ZNF644: variants seen among roughly 807,000 people sequenced by gnomAD.
ZNF644 encodes zinc finger motif enhancer binding protein 2.
Under a neutral mutation model 108.0 loss-of-function variants are expected in ZNF644, and 20 were observed. That is an observed-to-expected ratio of 0.19 (90% CI 0.13 to 0.27). The LOEUF (loss-of-function observed/expected upper bound fraction) is 0.27, where lower values mean the gene tolerates loss of function less well. Ranked by LOEUF, ZNF644 falls within the 10% of genes least tolerant of loss-of-function variation. The probability of loss-of-function intolerance (pLI) is 1.00; values close to 1 mark genes in which losing one functional copy is unlikely to be tolerated. For missense variants in ZNF644, 1,338 were observed against 1,548.9 expected, an observed-to-expected ratio of 0.86 and a Z score of 2.29; for synonymous variants, 542 against 539.1, an observed-to-expected ratio of 1.01 and a Z score of -0.08.
At chr1:90,925,840 T>G (rs527785768) in intron 4 of ZNF644, among the ~76,000 whole-genome samples, 1 of 152,234 alleles carries the variant, frequency 6.6e-6, no homozygotes, top group African/African-American at 2.4e-5. Flanking sequence ...ACAAGTGTGG[T>G]TATTTGCTTT....
Position 90,937,995 on chromosome 1 carries a change from G to T in ZNF644, c.3178C>A (p.His1060Asn). Residue 1060 changes from histidine (H) to asparagine (N), a missense_variant, in exon 4 of 6, where the codon CAC becomes AAC. His to Asn is a moderately conservative substitution (Grantham distance 68, BLOSUM62 1). Coordinates refer to ENST00000337393, the MANE Select transcript of ZNF644 (RefSeq NM_201269.3). Reference sequence around the variant, plus strand: ...TTCGTCTTTCCAAGTCTTTTCAAGTGGCCTCTAACATGATTTGATAATCCA... The same window carrying T: ...TTCGTCTTTCCAAGTCTTTTCAAGTTGCCTCTAACATGATTTGATAATCCA... ...KIGLSNHVRG[H>N]LKRLGKTKWD... 6.2e-7 allele frequency: 1 copy of T among 1,611,646 alleles called. No homozygotes were observed.
chr1:90,946,233 G>A (rs888107951), intron 2 of ZNF644, among the ~76,000 whole-genome samples: 8 of 152,040 alleles, frequency 5.3e-5, no homozygotes, highest in Admixed American at 3.3e-4. Context: ...CACACTTCAA[G>A]AGAAGACAGA....
At chr1:90,937,312 T>C (rs1651426196) in intron 4 of ZNF644, among the ~76,000 whole-genome samples, 173 bp downstream of exon 4, 1 of 152,018 alleles carries the variant, frequency 6.6e-6, no homozygotes, top group Non-Finnish European at 1.5e-5. Context: ...TGAGCATCAA[T>C]TGATGAGTTA....
intron 2 of ZNF644, among the ~76,000 whole-genome samples, chr1:90,975,645 C>T (rs761017074): frequency 3.3e-5 from 5 of 152,040 alleles, no homozygotes; most frequent in African/African-American, 7.2e-5. Flanking sequence ...AGTTTCACCA[C>T]GTTGGCCAGG....
At chr1:91,007,506 G>T (rs354637) in intron 1 of ZNF644, among the ~76,000 whole-genome samples, 1 of 151,610 alleles carries the variant, frequency 6.6e-6, no homozygotes, top group Admixed American at 6.6e-5. Context: ...GAGCCACTGC[G>T]CCCAGCAAAT....
intron 2 of ZNF644, 60 bp downstream of exon 2, chr1:90,982,250 A>T (rs878901884): frequency 7.1e-7 from 1 of 1,406,220 alleles, no homozygotes; most frequent in South Asian, 1.2e-5. Flanking sequence ...TTTAAGACAT[A>T]ATTTTTTTGT....
intron 2 of ZNF644, among the ~76,000 whole-genome samples, chr1:90,959,798 T>C (rs992086545): frequency 6.6e-6 from 1 of 152,312 alleles, no homozygotes; most frequent in African/African-American, 2.4e-5. Context: ...GAGCTAGTGG[T>C]TGCACAACAG....
chr1:90,948,099 C>G (rs1045872039), intron 2 of ZNF644, among the ~76,000 whole-genome samples: 3 of 152,058 alleles, frequency 2.0e-5, no homozygotes, highest in Non-Finnish European at 4.4e-5. Context: ...AGGGCAAAGA[C>G]AATTTCACCA....
chr1:90,954,206 T>C (rs1010393718), intron 2 of ZNF644, among the ~76,000 whole-genome samples: 3 of 152,222 alleles, frequency 2.0e-5, no homozygotes, highest in African/African-American at 7.2e-5. Flanking sequence ...TCTTTTGATA[T>C]TGGAGTCAAT....
intron 2 of ZNF644, among the ~76,000 whole-genome samples, chr1:90,958,962 CAG>C (rs1240201655): frequency 7.3e-6 from 1 of 136,990 alleles, no homozygotes; most frequent in Non-Finnish European, 1.6e-5. Context: ...AAACAAAAAA[CAG>C]AAATTGAACT....
chr1:90,933,656 T>G (rs1335396219), intron 4 of ZNF644, among the ~76,000 whole-genome samples: 3 of 132,326 alleles, frequency 2.3e-5, no homozygotes, highest in African/African-American at 8.5e-5. Flanking sequence ...AGAGCGAGAC[T>G]CCGTCTCAAA....
At chr1:90,992,066 GTGT>G (rs1451944666) in intron 1 of ZNF644, among the ~76,000 whole-genome samples, 1 of 152,142 alleles carries the variant, frequency 6.6e-6, no homozygotes, top group Non-Finnish European at 1.5e-5. Context: ...CATACTGCAT[GTGT>G]TGATTTATGT....
chr1:91,005,734 A>G (rs1659355197), intron 1 of ZNF644, among the ~76,000 whole-genome samples: 1 of 152,172 alleles, frequency 6.6e-6, no homozygotes, highest in Admixed American at 6.5e-5. Flanking sequence ...AATGAAAACA[A>G]AAACACAACA....
chr1:90,954,717 A>G (rs1653568621), intron 2 of ZNF644, among the ~76,000 whole-genome samples: 1 of 152,134 alleles, frequency 6.6e-6, no homozygotes, highest in Non-Finnish European at 1.5e-5. Flanking sequence ...TTCAGGTTCT[A>G]CTTCTAATTC....
intron 2 of ZNF644, among the ~76,000 whole-genome samples, chr1:90,942,285 T>C (rs546954028): frequency 4.6e-5 from 7 of 152,322 alleles, no homozygotes; most frequent in Admixed American, 3.9e-4. Flanking sequence ...AGATATTTAA[T>C]CATTATGAGA....
At chr1:90,972,961 G>A (rs1159471548) in intron 2 of ZNF644, 6 of 152,114 alleles carry the variant, frequency 3.9e-5, no homozygotes. Flanking sequence ...GAGAAACGGA[G>A]GAATTGTTGT....
intron 1 of ZNF644, among the ~76,000 whole-genome samples, chr1:90,990,238 T>A (rs1400451966): frequency 6.6e-6 from 1 of 152,170 alleles, no homozygotes; most frequent in Non-Finnish European, 1.5e-5. Flanking sequence ...TGTTACACAA[T>A]GTAAATACAC....
intron 2 of ZNF644, among the ~76,000 whole-genome samples, chr1:90,975,436 C>CT (rs1243944087): frequency 0.076 from 10,332 of 135,356 alleles, 557 homozygotes; most frequent in Middle Eastern, 0.12. Flanking sequence ...CAAATATCTA[C>CT]TTTTTTTTTT....
chr1:91,013,922 CTATT>C (rs898324564), intron 1 of ZNF644, among the ~76,000 whole-genome samples: 9 of 151,956 alleles, frequency 5.9e-5, no homozygotes, highest in Admixed American at 6.6e-5. Flanking sequence ...AAAATTTCAC[CTATT>C]TATTTTATTT....
Sources: gnomAD v4.1 joint callset for allele counts (sites outside exome capture counted in the v4.1 genomes callset) on GRCh38, gnomAD v4.1.1 for gene constraint, MANE v1.5 for transcripts, NCBI Gene and HGNC (gene_info 2026-07-23, HGNC 2026-07-21) for gene names.